EMC3: variants seen among roughly 807,000 people sequenced by gnomAD.
The protein encoded by EMC3 is ER membrane protein complex subunit 3.
In EMC3, 13 loss-of-function variants were observed where a neutral mutation model predicts 36.6. That is an observed-to-expected ratio of 0.35 (90% CI 0.23 to 0.56). EMC3 has a LOEUF of 0.56. EMC3 is among the 20% of genes least tolerant of loss of function. EMC3 has a pLI of 0.84. For synonymous variants in EMC3, 120 were observed against 111.9 expected (o/e 1.07, Z -0.46); for missense variants, 220 against 324.5 (o/e 0.68, Z 2.47).
intron 1 of EMC3, chr3:10,006,971 A>G (rs1321775359): frequency 3.5e-6 from 1 of 289,032 alleles, no homozygotes; most frequent in Non-Finnish European, 6.8e-6. Flanking sequence ...TTTTAAATAA[A>G]AATGGTTACT....
chr3:9,987,150 C>T, upstream of EMC3: 1 of 854,256 alleles, frequency 1.2e-6, no homozygotes, highest in South Asian at 5.1e-5. Context: ...GGAGGCGGAG[C>T]CTGCAGTGAG....
rs2085763832 is a variant in EMC3 at position 9,969,501 on chromosome 3, A to G, written c.657+218T>C. On this transcript the variant is annotated intron_variant, in intron 7 of 7. Transcript: ENST00000245046. ...TCATTGATAGTGTGGATTAAATTCC[A>G]GTGAGCATTTAAAAACCAGTAAAAG... is the stretch of plus-strand genomic sequence containing the variant. 3 of 1,433,296 alleles carry G rather than the reference A, an allele frequency of 2.1e-6. No individual in the cohort carries two copies. The African/African-American group carries it at 4.3e-5, about 21-fold the overall frequency. The allele number at this position is 1,433,296 out of a possible 1,614,324, so 88.8% of individuals were successfully genotyped here.
intron 1 of EMC3, among the ~76,000 whole-genome samples, chr3:9,984,733 G>A (rs1410333993): frequency 1.3e-5 from 2 of 152,144 alleles, no homozygotes; most frequent in African/African-American, 2.4e-5. Context: ...TGGGGTGCTG[G>A]CTCTGGTCAG....
intron 3 of EMC3, 121 bp downstream of exon 3, chr3:9,976,836 A>C: frequency 1.4e-6 from 1 of 718,748 alleles, no homozygotes; most frequent in Non-Finnish European, 2.4e-6. Flanking sequence ...CTAAGGTCTA[A>C]GATTACTATC....
chr3:9,977,503 G>A, intron 1 of EMC3, 57 bp from the exon 2 acceptor site: 1 of 1,523,700 alleles, frequency 6.6e-7, no homozygotes, highest in Non-Finnish European at 9.0e-7. Flanking sequence ...AGAAGAAAAT[G>A]GGAGAGTCAA....
chr3:9,984,096 T>C (rs1359596230), intron 1 of EMC3, among the ~76,000 whole-genome samples: 1 of 151,504 alleles, frequency 6.6e-6, no homozygotes, highest in Non-Finnish European at 1.5e-5. Flanking sequence ...TTTTTTTTTT[T>C]AAATGAGATG....
Position 9,994,561 on chromosome 3 carries a change from C to G in EMC3, c.-241-7659G>C, listed in dbSNP as rs2086099552. Among the ~76,000 whole-genome samples the G allele has an allele frequency of 4.6e-5, 7 of 151,606 alleles. 1 individual carries two copies. In the South Asian group the frequency reaches 1.5e-3, roughly 32 times the overall value. ...ATTAAGATACAGATTTGGTCTATTT[C>G]AAAACATGAGACACTTTTTTTTTTT... On this transcript the variant is annotated intron_variant, in intron 1 of 8. Coordinates refer to the EMC3 transcript ENST00000470827.
intron 1 of EMC3, among the ~76,000 whole-genome samples, chr3:9,982,489 G>A (rs1027836695): frequency 6.6e-6 from 1 of 152,016 alleles, no homozygotes; most frequent in Non-Finnish European, 1.5e-5. Flanking sequence ...TCCTGACCTC[G>A]TGATCTGCCT....
intron 1 of EMC3, chr3:9,994,270 G>A (rs1274980919): frequency 2.4e-6 from 3 of 1,244,914 alleles, no homozygotes; most frequent in Middle Eastern, 2.6e-4. Flanking sequence ...ATTTCATTTG[G>A]CAGTCTCCTA....
chr3:9,975,141 A>C (rs1278841253), intron 3 of EMC3, among the ~76,000 whole-genome samples: 1 of 152,208 alleles, frequency 6.6e-6, no homozygotes, highest in Admixed American at 6.5e-5. Context: ...CTGGGATTAC[A>C]GGCGTCAGCC....
chr3:9,986,908 G>A (rs1176786349), upstream of EMC3: 2 of 1,301,840 alleles, frequency 1.5e-6, no homozygotes, highest in Non-Finnish European at 2.0e-6. Context: ...CGGGCCTGGC[G>A]GGAAAGTGGA....
chr3:9,982,436 G>A (rs1250108670), intron 1 of EMC3, among the ~76,000 whole-genome samples: 1 of 151,820 alleles, frequency 6.6e-6, no homozygotes, highest in African/African-American at 2.4e-5. Context: ...TGTATTTCTA[G>A]TAGAGACGGG....
At chr3:10,005,193 AG>A (rs2086250507) in intron 1 of EMC3, 1 of 151,652 alleles carries the variant, frequency 6.6e-6, no homozygotes, top group African/African-American at 2.4e-5. Context: ...GAGGAAGAGG[AG>A]GCCCGGACCA....
upstream of EMC3, chr3:9,988,041 C>T: frequency 2.8e-6 from 2 of 704,508 alleles, no homozygotes; most frequent in South Asian, 3.0e-5. Flanking sequence ...CACCCTTTTC[C>T]TCACATAGGA....
chr3:9,988,019 A>C, upstream of EMC3: 30 of 806,868 alleles, frequency 3.7e-5, no homozygotes, highest in Non-Finnish European at 5.6e-5. Flanking sequence ...TAAAGAGCTC[A>C]TGGATAATTG....
intron 1 of EMC3, 41 bp downstream of exon 1, chr3:9,986,466 C>G (rs1197958780): frequency 6.2e-7 from 1 of 1,604,452 alleles, no homozygotes; most frequent in Admixed American, 1.7e-5. Context: ...TGCCCAAGGT[C>G]ACGGCGGTGT....
intron 7 of EMC3, among the ~76,000 whole-genome samples, chr3:9,966,498 G>C (rs1655032042): frequency 6.6e-6 from 1 of 151,900 alleles, no homozygotes; most frequent in Non-Finnish European, 1.5e-5. Context: ...TGGGATTACA[G>C]GCGTGAGCCA....
intron 1 of EMC3, among the ~76,000 whole-genome samples, chr3:9,998,366 A>AATAATAATAAT (rs1553604406): frequency 1.5e-5 from 2 of 137,394 alleles, no homozygotes; most frequent in Admixed American, 7.5e-5. Flanking sequence ...ACTCTGTCTC[A>AATAATAATAAT]AATAATAATA....
chr3:10,003,744 T>TA, intron 1 of EMC3: 1 of 166,180 alleles, frequency 6.0e-6, no homozygotes, highest in Non-Finnish European at 1.3e-5. Flanking sequence ...CAACACCAGT[T>TA]ATTTATTTAG....
Sources: gnomAD v4.1 joint callset for allele counts (sites outside exome capture counted in the v4.1 genomes callset) on GRCh38, gnomAD v4.1.1 for gene constraint, MANE v1.5 for transcripts, NCBI Gene and HGNC (gene_info 2026-07-23, HGNC 2026-07-21) for gene names.